The following PTPRT variants were observed in gnomAD, a reference collection of about 807,000 sequenced individuals.
PTPRT encodes receptor-type tyrosine-protein phosphatase T.
Under a neutral mutation model 176.8 loss-of-function variants are expected in PTPRT, and 56 were observed. The ratio of observed to expected loss-of-function variants is 0.32; its 90% CI spans 0.26 to 0.40. The LOEUF (loss-of-function observed/expected upper bound fraction) is 0.40, where lower values mean the gene tolerates loss of function less well. Among genes scored for constraint, PTPRT ranks in the 10% least tolerant of loss-of-function variants. PTPRT has a pLI of 1.00. For synonymous variants in PTPRT, 783 were observed against 739.0 expected, an observed-to-expected ratio of 1.06 and a Z score of -0.96; for missense variants, 1,540 against 1,908.2, an observed-to-expected ratio of 0.81 and a Z score of 3.60.
intron 15 of PTPRT, among the ~76,000 whole-genome samples, chr20:42,205,907 C>T (rs191887704): frequency 4.7e-4 from 72 of 152,274 alleles, no homozygotes; most frequent in African/African-American, 1.6e-3. Context: ...GCTGGCATGA[C>T]TAGATCTCAG....
intron 1 of PTPRT, among the ~76,000 whole-genome samples, chr20:43,049,340 C>T (rs1600674201): frequency 1.3e-5 from 2 of 152,266 alleles, no homozygotes; most frequent in Admixed American, 6.5e-5. Context: ...TACATACATA[C>T]ATACATACAT....
chr20:42,939,254 C>T (rs1245192457), intron 1 of PTPRT, among the ~76,000 whole-genome samples: 1 of 152,196 alleles, frequency 6.6e-6, no homozygotes, highest in East Asian at 1.9e-4. Flanking sequence ...GGTGGCCTTC[C>T]AGGCTAATCT....
intron 9 of PTPRT, among the ~76,000 whole-genome samples, chr20:42,352,779 G>A (rs2213630): frequency 0.43 from 65,914 of 151,910 alleles, 15,906 homozygotes; most frequent in East Asian, 0.86. Flanking sequence ...CCCATCTATC[G>A]AGATATGATT....
At chr20:42,802,299 T>C (rs1302885989) in intron 2 of PTPRT, among the ~76,000 whole-genome samples, 1 of 152,216 alleles carries the variant, frequency 6.6e-6, no homozygotes, top group Admixed American at 6.5e-5. Context: ...CAAATGGTGC[T>C]ACCACAGGGG....
intron 1 of PTPRT, among the ~76,000 whole-genome samples, chr20:42,917,417 T>C (rs976811377): frequency 6.6e-6 from 1 of 152,206 alleles, no homozygotes; most frequent in African/African-American, 2.4e-5. Flanking sequence ...CTTTGTTCTT[T>C]TGGCTTAGGA....
intron 7 of PTPRT, among the ~76,000 whole-genome samples, chr20:42,551,016 T>C (rs944275254): frequency 1.3e-5 from 2 of 152,150 alleles, no homozygotes; most frequent in Non-Finnish European, 2.9e-5. Context: ...ACTTAACCTC[T>C]CTATGCTTCA....
intron 1 of PTPRT, among the ~76,000 whole-genome samples, chr20:42,894,599 G>A (rs1219554434): frequency 6.6e-6 from 1 of 152,134 alleles, no homozygotes; most frequent in Non-Finnish European, 1.5e-5. Flanking sequence ...GACTAGCTCA[G>A]TCTATGTACC....
At chr20:43,104,899 A>G in intron 1 of PTPRT, among the ~76,000 whole-genome samples, 1 of 152,216 alleles carries the variant, frequency 6.6e-6, no homozygotes, top group East Asian at 1.9e-4. Context: ...ACTGCTGTGG[A>G]CTTAATTACA....
intron 9 of PTPRT, among the ~76,000 whole-genome samples, chr20:42,383,149 T>C (rs1454390897): frequency 6.6e-6 from 1 of 152,184 alleles, no homozygotes; most frequent in Non-Finnish European, 1.5e-5. Flanking sequence ...ATTAAATAAA[T>C]TTGAGTGGTT....
At chr20:42,242,188 T>C (rs2056367760) in intron 14 of PTPRT, among the ~76,000 whole-genome samples, 1 of 152,210 alleles carries the variant, frequency 6.6e-6, no homozygotes, top group Admixed American at 6.5e-5. Context: ...ACATACTGCC[T>C]CCAGCCTTGC....
intron 9 of PTPRT, among the ~76,000 whole-genome samples, chr20:42,432,384 A>G (rs915927835): frequency 1.3e-5 from 2 of 152,160 alleles, no homozygotes; most frequent in African/African-American, 2.4e-5. Flanking sequence ...CACTTCCAAT[A>G]TCTTTGGTAC....
intron 1 of PTPRT, among the ~76,000 whole-genome samples, chr20:43,059,533 T>C (rs1265066413): frequency 1.3e-5 from 2 of 152,226 alleles, no homozygotes; most frequent in Admixed American, 6.5e-5. Context: ...AACGTGGCTC[T>C]CATCTCCAAC....
intron 2 of PTPRT, among the ~76,000 whole-genome samples, chr20:42,859,529 C>A (rs1288176345): frequency 6.6e-6 from 1 of 151,110 alleles, no homozygotes; most frequent in Non-Finnish European, 1.5e-5. Flanking sequence ...TTATATCAAT[C>A]ATTTTTTGCA....
chr20:42,651,675 G>A (rs970283), intron 7 of PTPRT, among the ~76,000 whole-genome samples: 13,004 of 152,120 alleles, frequency 0.085, 623 homozygotes, highest in South Asian at 0.16. Flanking sequence ...TAGGTTCAAA[G>A]TTTGGGTGTG....
chr20:42,826,929 C>T (rs1004241265), intron 2 of PTPRT, among the ~76,000 whole-genome samples: 1 of 152,130 alleles, frequency 6.6e-6, no homozygotes, highest in African/African-American at 2.4e-5. Context: ...ACAACACAGA[C>T]TTTATCCAGC....
chr20:43,146,653 G>A (rs1169079108), intron 1 of PTPRT, among the ~76,000 whole-genome samples: 1 of 152,114 alleles, frequency 6.6e-6, no homozygotes, highest in Non-Finnish European at 1.5e-5. Flanking sequence ...ACTGTCTGGG[G>A]GTACTGAGCA....
intron 1 of PTPRT, among the ~76,000 whole-genome samples, chr20:43,086,805 A>G (rs4812669): frequency 0.61 from 92,601 of 152,014 alleles, 29,041 homozygotes; most frequent in East Asian, 0.82. Flanking sequence ...GGGGGCTGGG[A>G]GGGAAGAATT....
intron 16 of PTPRT, among the ~76,000 whole-genome samples, chr20:42,177,732 C>A (rs1262361011): frequency 6.6e-6 from 1 of 151,998 alleles, no homozygotes; most frequent in Non-Finnish European, 1.5e-5. Context: ...CTGTTATAAC[C>A]ATTTTATGGG....
rs976653192 is a variant in PTPRT at position 42,660,003 on chromosome 20, C to T, written c.1153+17863G>A. Reference sequence around the variant, plus strand: ...GAGATTTGAGATTTGGGGAAAATTACTTTACTCCTCAGAGCCTCAGTGTCC... The same window carrying T: ...GAGATTTGAGATTTGGGGAAAATTATTTTACTCCTCAGAGCCTCAGTGTCC... On this transcript the variant is annotated intron_variant, in intron 7 of 30. Transcript: ENST00000373187. Among the ~76,000 whole-genome samples, 9 of 152,220 alleles carry T rather than the reference C, an allele frequency of 5.9e-5. No individual in the cohort carries two copies. In the South Asian group the frequency reaches 1.0e-3, roughly 18 times the overall value.
Sources: allele counts gnomAD v4.1 joint callset (sites outside exome capture counted in the v4.1 genomes callset), GRCh38; gene constraint gnomAD v4.1.1; transcripts MANE v1.5; gene names NCBI Gene and HGNC (gene_info 2026-07-23, HGNC 2026-07-21).